The following DPF3 variants were observed in gnomAD, a reference collection of about 807,000 sequenced individuals.
DPF3 encodes the protein zinc finger protein DPF3.
A neutral mutation model predicts 56.8 loss-of-function variants in DPF3; 18 were observed. That is an observed-to-expected ratio of 0.32 (90% CI 0.22 to 0.47). The LOEUF is 0.47. Ranked by LOEUF, DPF3 falls within the 20% of genes least tolerant of loss-of-function variation. DPF3 has a pLI of 1.00. For synonymous variants in DPF3, 188 were observed against 180.2 expected, an observed-to-expected ratio of 1.04 and a Z score of -0.35; for missense variants, 403 against 488.8, an observed-to-expected ratio of 0.82 and a Z score of 1.65.
chr14:72,802,308 C>G (rs1016961344), intron 1 of DPF3, among the ~76,000 whole-genome samples: 1 of 152,146 alleles, frequency 6.6e-6, no homozygotes, highest in African/African-American at 2.4e-5. Context: ...ATGTTCTCAC[C>G]CTGTTCTGTT....
chr14:72,884,015 A>T (rs1259071653), intron 1 of DPF3, among the ~76,000 whole-genome samples: 1 of 151,948 alleles, frequency 6.6e-6, no homozygotes, highest in Non-Finnish European at 1.5e-5. Flanking sequence ...TCACAAGCAG[A>T]TCTAAGCCCC....
intron 1 of DPF3, among the ~76,000 whole-genome samples, chr14:72,826,096 C>A (rs1289962894): frequency 6.6e-6 from 1 of 152,088 alleles, no homozygotes; most frequent in Non-Finnish European, 1.5e-5. Flanking sequence ...ACCTGAACCT[C>A]CCCTGCCAAC....
At chr14:72,660,981 G>A (rs763882348) in intron 8 of DPF3, 15 of 828,614 alleles carry the variant, frequency 1.8e-5, no homozygotes, top group African/African-American at 1.7e-4. Context: ...GCCGCATGAC[G>A]GCGTGAAAGT....
intron 8 of DPF3, among the ~76,000 whole-genome samples, chr14:72,640,045 G>GAAAA (rs1555491065): frequency 8.4e-5 from 1 of 11,942 alleles, no homozygotes; most frequent in African/African-American, 4.6e-4. Context: ...AGTTTTCTAA[G>GAAAA]TAAAAAAAAA....
chr14:72,655,838 T>C (rs1886047858), intron 8 of DPF3, among the ~76,000 whole-genome samples: 2 of 152,224 alleles, frequency 1.3e-5, no homozygotes, highest in African/African-American at 4.8e-5. Context: ...TTCCAGGTCA[T>C]CTAGCTATAA....
At chr14:72,844,142 C>T (rs999006099) in intron 1 of DPF3, among the ~76,000 whole-genome samples, 3 of 152,146 alleles carry the variant, frequency 2.0e-5, no homozygotes, top group East Asian at 1.9e-4. Context: ...ATATAAAACA[C>T]GGGTACACAC....
chr14:72,631,481 G>T (rs1173949637), intron 8 of DPF3, among the ~76,000 whole-genome samples: 2 of 152,114 alleles, frequency 1.3e-5, no homozygotes, highest in Non-Finnish European at 2.9e-5. Flanking sequence ...ATATCTGTTT[G>T]GGACTCCATG....
intron 7 of DPF3, among the ~76,000 whole-genome samples, chr14:72,688,340 G>A (rs903649081): frequency 7.3e-5 from 11 of 150,018 alleles, no homozygotes; most frequent in Non-Finnish European, 1.5e-4. Context: ...GATCGATGAC[G>A]TATACACGGA....
intron 7 of DPF3, 21 bp from the exon 8 acceptor site, chr14:72,674,389 T>C (rs1886821890): frequency 6.2e-7 from 1 of 1,608,904 alleles, no homozygotes; most frequent in East Asian, 2.2e-5. Context: ...ATTTAAAACA[T>C]TCCAATTTCA....
chr14:72,792,533 C>G lies in DPF3; in HGVS notation c.33-20640G>C, dbSNP rs79739786. On this transcript the variant is annotated intron_variant, in intron 1 of 10. Coordinates refer to ENST00000556509, the MANE Select transcript of DPF3 (RefSeq NM_001280542.3). ...CACACACACCCCACAGCGCTTCCCC[C>G]ACACAGCCCAAAATAGTCCACACCA... Among the ~76,000 whole-genome samples the G allele has an allele frequency of 2.8e-4, 43 of 152,314 alleles. No homozygotes were observed. The East Asian group carries it at 7.1e-3, about 25-fold the overall frequency.
At chr14:72,787,816 C>T (rs1207288443) in intron 1 of DPF3, among the ~76,000 whole-genome samples, 2 of 152,192 alleles carry the variant, frequency 1.3e-5, no homozygotes, top group Non-Finnish European at 2.9e-5. Flanking sequence ...AGGTGGGGTG[C>T]AGGTCCGGGG....
At chr14:72,890,139 C>G (rs1486511628) in intron 1 of DPF3, among the ~76,000 whole-genome samples, 4 of 152,086 alleles carry the variant, frequency 2.6e-5, no homozygotes, top group Non-Finnish European at 5.9e-5. Flanking sequence ...GTACTGATTG[C>G]AGATTTGGGG....
chr14:72,808,129 T>A (rs1882871965), intron 1 of DPF3, among the ~76,000 whole-genome samples: 1 of 151,900 alleles, frequency 6.6e-6, no homozygotes, highest in East Asian at 1.9e-4. Flanking sequence ...AGGGATGGAC[T>A]GAGAACTAGG....
At chr14:72,790,005 A>G (rs964906961) in intron 1 of DPF3, among the ~76,000 whole-genome samples, 2 of 152,124 alleles carry the variant, frequency 1.3e-5, no homozygotes, top group African/African-American at 4.8e-5. Flanking sequence ...TAATCCCAGC[A>G]CTTTGGGAGG....
At chr14:72,854,823 C>T (rs1272509537) in intron 1 of DPF3, among the ~76,000 whole-genome samples, 1 of 152,192 alleles carries the variant, frequency 6.6e-6, no homozygotes, top group Non-Finnish European at 1.5e-5. Context: ...TTACTGCCCA[C>T]ACTTCACTCA....
At chr14:72,785,786 A>G (rs533948489) in intron 1 of DPF3, among the ~76,000 whole-genome samples, 5 of 152,352 alleles carry the variant, frequency 3.3e-5, no homozygotes, top group African/African-American at 1.2e-4. Flanking sequence ...TATGCAGTTT[A>G]GAAACCAAAT....
intron 1 of DPF3, among the ~76,000 whole-genome samples, chr14:72,772,482 T>G (rs1891574798): frequency 6.6e-6 from 1 of 152,134 alleles, no homozygotes; most frequent in South Asian, 2.1e-4. Flanking sequence ...CACCAATCTT[T>G]TAAAACCATA....
At chr14:72,630,952 G>A (rs1287718551) in intron 8 of DPF3, among the ~76,000 whole-genome samples, 2 of 152,170 alleles carry the variant, frequency 1.3e-5, no homozygotes, top group Non-Finnish European at 2.9e-5. Context: ...GATCCCCCAT[G>A]GCGCCACCAC....
Position 72,614,359 on chromosome 14 carries a change from T to C in DPF3, c.*4938A>G, listed in dbSNP as rs750444970. Among the ~76,000 whole-genome samples the C allele has an allele frequency of 2.0e-5, 3 of 152,152 alleles. No individual in the cohort carries two copies. The highest frequency in any genetic ancestry group is 4.4e-5 in the Non-Finnish European group (3 of 68,026). On this transcript the variant is annotated 3_prime_UTR_variant, in exon 11 of 11. Coordinates refer to ENST00000556509, the MANE Select transcript of DPF3 (RefSeq NM_001280542.3). ...CCCCTTCACCTGGTATCCAAAAGCATACTTTGGGGATGGGAGTAAGATTTC... is the reference window on the plus strand; with the variant it reads ...CCCCTTCACCTGGTATCCAAAAGCACACTTTGGGGATGGGAGTAAGATTTC...
Sources: allele counts gnomAD v4.1 joint callset (sites outside exome capture counted in the v4.1 genomes callset), GRCh38; gene constraint gnomAD v4.1.1; transcripts MANE v1.5; gene names NCBI Gene and HGNC (gene_info 2026-07-23, HGNC 2026-07-21).